MAPK10: variants seen among roughly 807,000 people sequenced by gnomAD.
The protein encoded by MAPK10 is JNK3 alpha protein kinase.
Under a neutral mutation model 59.3 loss-of-function variants are expected in MAPK10, and 25 were observed. The ratio of observed to expected loss-of-function variants is 0.42; its 90% confidence interval spans 0.31 to 0.59. MAPK10 has a LOEUF of 0.59. Ranked by LOEUF, MAPK10 falls within the 20% of genes least tolerant of loss-of-function variation. The pLI, the probability that MAPK10 is intolerant of heterozygous loss-of-function variation, is 0.15. For missense variants in MAPK10, 351 were observed against 568.9 expected (o/e 0.62, Z 3.90); for synonymous variants, 190 against 200.5 (o/e 0.95, Z 0.44).
At chr4:86,359,311 T>G (rs1358142291) in intron 1 of MAPK10, among the ~76,000 whole-genome samples, 1 of 145,950 alleles carries the variant, frequency 6.9e-6, no homozygotes. Flanking sequence ...TGTGTGTGTG[T>G]GTGTGTGTGT....
At chr4:86,515,896 GTTTTGT>G (rs1756624979) in intron 1 of MAPK10, among the ~76,000 whole-genome samples, 3 of 147,312 alleles carry the variant, frequency 2.0e-5, no homozygotes, top group African/African-American at 5.0e-5. Flanking sequence ...TTTTTTTTTT[GTTTTGT>G]TTTTGTTTTT....
intron 2 of MAPK10, among the ~76,000 whole-genome samples, chr4:86,340,794 A>T (rs1319342943): frequency 6.6e-6 from 1 of 152,220 alleles, no homozygotes; most frequent in African/African-American, 2.4e-5. Context: ...ACAGTTTCTA[A>T]GCCAGTGTGA....
chr4:86,498,030 G>T (rs1484116517), intron 1 of MAPK10, among the ~76,000 whole-genome samples: 1 of 152,188 alleles, frequency 6.6e-6, no homozygotes, highest in Non-Finnish European at 1.5e-5. Flanking sequence ...AGCATGCTGA[G>T]CTAAGCTCCT....
rs188970001 is a variant in MAPK10, at chr4:86,340,832, A to G, written c.-7+13698T>C. On this transcript the variant is annotated intron_variant, in intron 2 of 13. Transcript: ENST00000641462. ...AAGAGAAAGACTCAATACTAGAATC[A>G]TAAAAGAACTGATTAAATGCTAATA... 4.3e-4 allele frequency among the ~76,000 whole-genome samples: 66 copies of G among 152,370 alleles called. No homozygotes were observed. The East Asian group carries it at 0.012, about 27-fold the overall frequency.
intron 2 of MAPK10, among the ~76,000 whole-genome samples, chr4:86,239,028 T>C (rs1234718022): frequency 6.6e-6 from 1 of 152,088 alleles, no homozygotes; most frequent in Non-Finnish European, 1.5e-5. Context: ...TCCATAGATA[T>C]CTAGTTTATT....
intron 2 of MAPK10, among the ~76,000 whole-genome samples, chr4:86,321,243 C>A (rs989655628): frequency 3.1e-4 from 47 of 151,896 alleles, no homozygotes; most frequent in African/African-American, 1.1e-3. Flanking sequence ...GGGTATATAC[C>A]CAAAGGACTA....
At chr4:86,035,913 T>C (rs758766813) in intron 11 of MAPK10, among the ~76,000 whole-genome samples, 1 of 152,212 alleles carries the variant, frequency 6.6e-6, no homozygotes, top group Non-Finnish European at 1.5e-5. Flanking sequence ...CAGCAAGTGA[T>C]GTTTGTTGAA....
chr4:86,071,727 CTCTGT>C (rs1462295718), intron 9 of MAPK10, among the ~76,000 whole-genome samples: 1 of 151,208 alleles, frequency 6.6e-6, no homozygotes, highest in Non-Finnish European at 1.5e-5. Context: ...TTTCTGAGGG[CTCTGT>C]TCTGTTCCAT....
chr4:86,579,233 C>T (rs969180057), intron 1 of MAPK10, among the ~76,000 whole-genome samples: 24 of 152,290 alleles, frequency 1.6e-4, no homozygotes, highest in Admixed American at 3.9e-4. Context: ...AAGCCATCTA[C>T]AAGAAACTTT....
At chr4:86,151,001 C>T (rs889611996) in intron 4 of MAPK10, among the ~76,000 whole-genome samples, 1 of 152,152 alleles carries the variant, frequency 6.6e-6, no homozygotes, top group Non-Finnish European at 1.5e-5. Context: ...TTCTAAATAA[C>T]TTTTTTTGTA....
intron 11 of MAPK10, among the ~76,000 whole-genome samples, chr4:86,048,591 T>C (rs973710832): frequency 6.6e-6 from 1 of 152,032 alleles, no homozygotes; most frequent in African/African-American, 2.4e-5. Flanking sequence ...GGAAAGAGGA[T>C]CTTCAGCCCT....
At chr4:86,135,820 T>C (rs376921262) in intron 4 of MAPK10, among the ~76,000 whole-genome samples, 4 of 152,026 alleles carry the variant, frequency 2.6e-5, no homozygotes, top group South Asian at 2.1e-4. Flanking sequence ...CTAGAATAAC[T>C]AATACAGAGA....
At chr4:86,038,874 C>T (rs1432039630) in intron 11 of MAPK10, among the ~76,000 whole-genome samples, 3 of 152,010 alleles carry the variant, frequency 2.0e-5, no homozygotes, top group East Asian at 3.9e-4. Flanking sequence ...ATAATTAATT[C>T]CTATGATTTC....
chr4:86,256,215 A>G (rs1294783743), intron 2 of MAPK10, among the ~76,000 whole-genome samples: 2 of 152,168 alleles, frequency 1.3e-5, no homozygotes, highest in South Asian at 2.1e-4. Flanking sequence ...CCAATCTCAT[A>G]CTTGGCCGAA....
At chr4:86,344,536 AT>A (rs746814406) in intron 2 of MAPK10, among the ~76,000 whole-genome samples, 5 of 137,870 alleles carry the variant, frequency 3.6e-5, no homozygotes, top group Non-Finnish European at 7.8e-5. Context: ...ACAAAGTGAA[AT>A]TTATCTTTGT....
intron 1 of MAPK10, among the ~76,000 whole-genome samples, chr4:86,449,200 C>G (rs1263296883): frequency 2.6e-5 from 4 of 152,134 alleles, no homozygotes; most frequent in Non-Finnish European, 5.9e-5. Flanking sequence ...TGGTTTGTTC[C>G]TTGTTTTCCA....
chr4:86,482,816 G>T (rs775675096), intron 1 of MAPK10, among the ~76,000 whole-genome samples: 1 of 152,164 alleles, frequency 6.6e-6, no homozygotes, highest in Non-Finnish European at 1.5e-5. Context: ...AATGAAAAAT[G>T]AAAGTAAGAA....
intron 2 of MAPK10, among the ~76,000 whole-genome samples, chr4:86,204,866 C>A (rs2083454702): frequency 6.6e-6 from 1 of 151,956 alleles, no homozygotes; most frequent in Non-Finnish European, 1.5e-5. Context: ...GTGAGCTGAT[C>A]TGATATTGTA....
intron 9 of MAPK10, among the ~76,000 whole-genome samples, chr4:86,093,402 A>G (rs932754973): frequency 2.0e-5 from 3 of 152,002 alleles, no homozygotes; most frequent in African/African-American, 4.8e-5. Context: ...CTAAAATCAG[A>G]ACATTTCTTT....
Sources: allele counts gnomAD v4.1 joint callset (sites outside exome capture counted in the v4.1 genomes callset), GRCh38; gene constraint gnomAD v4.1.1; transcripts MANE v1.5; gene names NCBI Gene and HGNC (gene_info 2026-07-23, HGNC 2026-07-21).